Variants in BDP1 observed in about 807,000 individuals in gnomAD.
BDP1 encodes the protein transcription factor TFIIIB component B'' homolog.
In BDP1, 169 loss-of-function variants were observed where a neutral mutation model predicts 266.6. That is an observed-to-expected ratio of 0.63 (90% CI 0.56 to 0.72). The LOEUF is 0.72. Among genes scored for constraint, BDP1 ranks in the 30% least tolerant of loss-of-function variants. The pLI, the probability that BDP1 is intolerant of heterozygous loss-of-function variation, is 0.00. For synonymous variants in BDP1, 1,090 were observed against 1,022.4 expected (o/e 1.07, Z -1.26); for missense variants, 3,015 against 3,053.8 (o/e 0.99, Z 0.30).
intron 5 of BDP1, among the ~76,000 whole-genome samples, 196 bp downstream of exon 5, chr5:71,466,417 T>G (rs899265803): frequency 6.6e-6 from 1 of 152,236 alleles, no homozygotes; most frequent in African/African-American, 2.4e-5. Context: ...CTATTTTGTA[T>G]GAGAAGATGC....
At chr5:71,545,251 C>A in intron 32 of BDP1, 32 bp downstream of exon 32, 2 of 1,558,114 alleles carry the variant, frequency 1.3e-6, no homozygotes, top group Non-Finnish European at 1.7e-6. Context: ...TAAGGGATAG[C>A]AAGGTGTTTT....
At chr5:71,485,100 A>G (rs1763184611) in intron 8 of BDP1, among the ~76,000 whole-genome samples, 1 of 152,316 alleles carries the variant, frequency 6.6e-6, no homozygotes, top group East Asian at 1.9e-4. Flanking sequence ...TAAACAGTCT[A>G]TTTGGATTGT....
intron 22 of BDP1, among the ~76,000 whole-genome samples, chr5:71,517,997 A>C (rs1460138032): frequency 6.6e-6 from 1 of 152,214 alleles, no homozygotes; most frequent in Non-Finnish European, 1.5e-5. Flanking sequence ...ACAGTATACT[A>C]TATTTAGAGG....
Position 71,464,093 on chromosome 5 carries a change from C to T in BDP1, c.635C>T (p.Pro212Leu). Residue 212 changes from proline to leucine, a missense_variant, in exon 4 of 39, where the codon CCA (proline) becomes CTA (leucine). Coordinates refer to ENST00000358731, the MANE Select transcript of BDP1 (RefSeq NM_018429.3). ...SLEQEKKTEK[P>L]STPVQTREQE... The stretch of plus-strand genomic sequence containing the variant: ...GAACAAGAAAAGAAAACTGAAAAGC[C>T]ATCGACTCCAGTCCAGACAAGAGAG... The T allele has an allele frequency of 1.3e-6, 2 of 1,578,996 alleles. No homozygotes were observed. Among genetic ancestry groups the T allele is most frequent in the Non-Finnish European group, 1.7e-6 (2 of 1,160,168 alleles).
chr5:71,525,874 CA>C (rs1238825081), intron 25 of BDP1, among the ~76,000 whole-genome samples: 1 of 151,910 alleles, frequency 6.6e-6, no homozygotes, highest in Admixed American at 6.5e-5. Flanking sequence ...GCTCACTTCT[CA>C]GATGGGGCGG....
intron 16 of BDP1, among the ~76,000 whole-genome samples, chr5:71,508,794 G>A (rs145401640): frequency 5.7e-4 from 87 of 152,308 alleles, no homozygotes; most frequent in African/African-American, 2.1e-3. Flanking sequence ...AAAAAGTGCT[G>A]CTGCTTTTCT....
At chr5:71,468,627 A>G (rs1480909393) in intron 6 of BDP1, among the ~76,000 whole-genome samples, 6 of 121,606 alleles carry the variant, frequency 4.9e-5, no homozygotes, top group Admixed American at 9.8e-5. Flanking sequence ...TTTTTTTGAG[A>G]TGGAGTTTCG....
At chr5:71,552,228 C>G (rs1427343957) in intron 34 of BDP1, among the ~76,000 whole-genome samples, 2 of 150,882 alleles carry the variant, frequency 1.3e-5, no homozygotes, top group Non-Finnish European at 3.0e-5. Context: ...GACGGGGCGG[C>G]GGGGCAGAGG....
chr5:71,566,964 A>G lies in BDP1; in HGVS notation c.*2079A>G, dbSNP rs1744069373. The G allele has an allele frequency of 1.3e-5, 2 of 152,204 alleles. No homozygotes were observed. Among genetic ancestry groups the G allele is most frequent in the Admixed American group, 6.5e-5 (1 of 15,280 alleles). 9.4% of individuals were successfully genotyped at this position (152,204 alleles called of 1,614,324 possible). On this transcript the variant is annotated 3_prime_UTR_variant, in exon 39 of 39. Transcript: ENST00000358731. ...ACAGTAATGCTAATTTATTGAAACT[A>G]CTGCTGTTAGAGCACTTCTTATTCA...
intron 25 of BDP1, among the ~76,000 whole-genome samples, chr5:71,526,836 C>T (rs1256058042): frequency 2.0e-5 from 3 of 151,680 alleles, no homozygotes; most frequent in Non-Finnish European, 4.4e-5. Flanking sequence ...CAGGTGTGCA[C>T]CACCAAGCCT....
rs1580180512 is a variant in BDP1 at position 71,541,772 on chromosome 5, C to A, written c.6251+90C>A. The A allele has an allele frequency of 2.2e-5, 18 of 812,618 alleles. No homozygotes were observed. The East Asian group carries it at 5.1e-4, about 23-fold the overall frequency. The allele number at this position is 812,618 out of a possible 1,614,324, so 50.3% of individuals were successfully genotyped here. Reference sequence around the variant, plus strand: ...AGTAATGCTTTAAATGTAAAGTAGGCAATGCTAATTTCTTACCCTTTAAAG... The same window carrying A: ...AGTAATGCTTTAAATGTAAAGTAGGAAATGCTAATTTCTTACCCTTTAAAG... On this transcript the variant is annotated intron_variant, in intron 29 of 38. Transcript: ENST00000358731.
chr5:71,544,906 A>G, intron 31 of BDP1, 133 bp from the exon 32 acceptor site: 1 of 594,318 alleles, frequency 1.7e-6, no homozygotes, highest in Non-Finnish European at 2.8e-6. Flanking sequence ...AAAAAAAAAA[A>G]GTCCTATTGC....
chr5:71,574,900 T>C, the BDP1 span, among the ~76,000 whole-genome samples: 9 of 152,300 alleles, frequency 5.9e-5, no homozygotes, highest in African/African-American at 2.2e-4. Flanking sequence ...GAAAGAAATT[T>C]TATGGGCTTA....
chr5:71,506,781 T>TATATATATA (rs201899514), intron 16 of BDP1, among the ~76,000 whole-genome samples: 1 of 106,706 alleles, frequency 9.4e-6, no homozygotes, highest in African/African-American at 3.4e-5. Context: ...TATATATATA[T>TATATATATA]TTGAAACACA....
In BDP1 at chr5:71,532,383, A is replaced by G. The variant is rs764572906; in HGVS notation, c.5848A>G (p.Thr1950Ala). 1 of 1,613,604 alleles carries G rather than the reference A, an allele frequency of 6.2e-7. No individual in the cohort carries two copies. The highest frequency in any genetic ancestry group is 1.7e-5 in the Admixed American group (1 of 60,014). ...VEHELPNTDV[T>A]TEEMKQEENL... ...ACATGAGCTACCAAACACAGATGTG[A>G]CTACTGAAGAAATGAAACAAGAAGA... Residue 1950 changes from threonine (T) to alanine (A), a missense_variant, in exon 26 of 39, where the codon ACT (threonine) becomes GCT (alanine). Coordinates refer to ENST00000358731, the MANE Select transcript of BDP1 (RefSeq NM_018429.3).
At chr5:71,559,404 C>G (rs554114543) in intron 36 of BDP1, among the ~76,000 whole-genome samples, 1 of 152,206 alleles carries the variant, frequency 6.6e-6, no homozygotes, top group Non-Finnish European at 1.5e-5. Context: ...CAACTTCATT[C>G]TCCCTTCACA....
rs1234888758 is a variant in BDP1 at position 71,541,652 on chromosome 5, A to C, written c.6221A>C (p.Glu2074Ala). The change falls in exon 29 of 39, where the codon GAG (glutamate) becomes GCG (alanine). Residue 2074 changes from glutamate (E) to alanine (A), a missense_variant. Physicochemically the swap from Glu to Ala is moderately radical, Grantham distance 107 (BLOSUM62 -1). Around this residue, in one of 3 missense-constraint regions of BDP1, gnomAD observed 3 missense variants for 16.4 expected, o/e 0.18. Transcript: ENST00000358731. Reference protein sequence around the residue: ...QSSREEISLMEKVKENATPTR... With the variant: ...QSSREEISLMAKVKENATPTR... ...TCCAGAGAAGAAATAAGTTTAATGG[A>C]GAAAGTAAAGGAGAATGCTACACCA... 1 of 1,607,468 alleles carries C rather than the reference A, an allele frequency of 6.2e-7. No homozygotes were observed. Among genetic ancestry groups the C allele is most frequent in the African/African-American group, 1.3e-5 (1 of 74,686 alleles).
At chr5:71,469,648 C>G (rs1235123042) in intron 6 of BDP1, among the ~76,000 whole-genome samples, 1 of 151,910 alleles carries the variant, frequency 6.6e-6, no homozygotes, top group Non-Finnish European at 1.5e-5. Context: ...GAGTCTCGCT[C>G]TTTCGCCCAG....
intron 8 of BDP1, among the ~76,000 whole-genome samples, chr5:71,485,672 C>G (rs754893141): frequency 2.0e-5 from 3 of 152,124 alleles, no homozygotes; most frequent in Non-Finnish European, 4.4e-5. Flanking sequence ...TGGATTCATT[C>G]CTGGAGTGTT....
Sources: gnomAD v4.1 joint callset for allele counts (sites outside exome capture counted in the v4.1 genomes callset) on GRCh38, gnomAD v4.1.1 for gene constraint, gnomAD v4.1.1 regional missense constraint, MANE v1.5 for transcripts, NCBI Gene and HGNC (gene_info 2026-07-23, HGNC 2026-07-21) for gene names.